The following LRRC7 variants were observed in gnomAD, a reference collection of about 807,000 sequenced individuals.
The protein encoded by LRRC7 is leucine rich repeat containing 7, also known as leucine-rich repeat-containing protein 7.
LRRC7 carries 23 observed loss-of-function variants against 175.7 expected under a neutral mutation model. The observed-to-expected ratio is 0.13, with a 90% CI of 0.09 to 0.19. The LOEUF (loss-of-function observed/expected upper bound fraction) is 0.19, where lower values mean the gene tolerates loss of function less well. LRRC7 is among the 10% of genes least tolerant of loss of function. The pLI, the probability that LRRC7 is intolerant of heterozygous loss-of-function variation, is 1.00. For synonymous variants in LRRC7, 685 were observed against 680.9 expected, an observed-to-expected ratio of 1.01 and a Z score of -0.09; for missense variants, 1,354 against 1,904.7, an observed-to-expected ratio of 0.71 and a Z score of 5.38.
chr1:69,763,705 G>A (rs1196274441), intron 3 of LRRC7, among the ~76,000 whole-genome samples: 2 of 151,964 alleles, frequency 1.3e-5, no homozygotes, highest in Non-Finnish European at 2.9e-5. Flanking sequence ...CAAAAACTAT[G>A]TATAAAGTTT....
chr1:69,753,571 AG>A (rs760082417), intron 2 of LRRC7, among the ~76,000 whole-genome samples: 1 of 152,126 alleles, frequency 6.6e-6, no homozygotes, highest in East Asian at 1.9e-4. Flanking sequence ...CTCATGAAAA[AG>A]CACGGTGACA....
At chr1:70,028,489 A>G (rs1658363823) in intron 18 of LRRC7, 118 bp downstream of exon 18, 1 of 875,210 alleles carries the variant, frequency 1.1e-6, no homozygotes, top group Non-Finnish European at 1.7e-6. Context: ...AATATAAATG[A>G]TCTCTCTACT....
intron 2 of LRRC7, among the ~76,000 whole-genome samples, chr1:69,750,778 C>T (rs1223042426): frequency 6.6e-6 from 1 of 152,120 alleles, no homozygotes; most frequent in Non-Finnish European, 1.5e-5. Flanking sequence ...AAACTGGTTT[C>T]CTTTAGCCCT....
At chr1:69,630,350 T>C (rs1652291188) in intron 1 of LRRC7, among the ~76,000 whole-genome samples, 1 of 152,204 alleles carries the variant, frequency 6.6e-6, no homozygotes, top group African/African-American at 2.4e-5. Flanking sequence ...CACATATTTC[T>C]ATATGGTAGA....
chr1:69,641,123 T>C (rs1654134138), intron 1 of LRRC7, among the ~76,000 whole-genome samples: 1 of 151,692 alleles, frequency 6.6e-6, no homozygotes, highest in Non-Finnish European at 1.5e-5. Flanking sequence ...TAACAAGTTA[T>C]AGTAATATTT....
intron 7 of LRRC7, among the ~76,000 whole-genome samples, chr1:69,902,284 T>C (rs1313635362): frequency 2.0e-5 from 3 of 152,180 alleles, no homozygotes; most frequent in Non-Finnish European, 1.5e-5. Context: ...AAAGCTTTAA[T>C]TGGGACCAGG....
chr1:69,807,013 G>T (rs1677196345), intron 4 of LRRC7, among the ~76,000 whole-genome samples: 1 of 152,062 alleles, frequency 6.6e-6, no homozygotes, highest in Admixed American at 6.6e-5. Flanking sequence ...AGGATAGTTA[G>T]CTCTTCTTGT....
chr1:69,584,207 A>C lies in LRRC7; in HGVS notation c.2+15566A>C, dbSNP rs1646314154. On this transcript the variant is annotated intron_variant, in intron 1 of 26. Transcript: ENST00000651989. The stretch of plus-strand genomic sequence containing the variant: ...GGAGGCAAAGGTGGAAAGAATTATT[A>C]TTTCCTTAAAATTTATTTCTCTGTT... 2.0e-5 allele frequency among the ~76,000 whole-genome samples: 3 copies of C among 152,170 alleles called. No homozygotes were observed. In the South Asian group the frequency reaches 6.2e-4, roughly 32 times the overall value.
intron 8 of LRRC7, among the ~76,000 whole-genome samples, chr1:69,980,053 C>A (rs574111637): frequency 6.6e-6 from 1 of 152,154 alleles, no homozygotes; most frequent in South Asian, 2.1e-4. Flanking sequence ...AAAGTTTATA[C>A]TCTAGTGACA....
At chr1:69,711,861 G>A (rs1664786801) in intron 2 of LRRC7, among the ~76,000 whole-genome samples, 1 of 152,166 alleles carries the variant, frequency 6.6e-6, no homozygotes, top group Admixed American at 6.5e-5. Flanking sequence ...CATGTCGGAG[G>A]CAGGTCAAAC....
chr1:70,054,861 T>G (rs56410601), intron 23 of LRRC7, among the ~76,000 whole-genome samples: 19,388 of 151,310 alleles, frequency 0.13, 1,707 homozygotes, highest in African/African-American at 0.24. Flanking sequence ...AAGTGCTGGG[T>G]TTACAGGCAT....
intron 2 of LRRC7, among the ~76,000 whole-genome samples, chr1:69,759,608 A>G (rs1262400964): frequency 1.3e-5 from 2 of 151,970 alleles, no homozygotes; most frequent in African/African-American, 4.8e-5. Context: ...CGGAATAAAA[A>G]CTCCATGAAA....
chr1:69,887,651 T>C (rs1645683102), intron 7 of LRRC7, among the ~76,000 whole-genome samples: 1 of 152,176 alleles, frequency 6.6e-6, no homozygotes, highest in African/African-American at 2.4e-5. Flanking sequence ...CTTTGTTCCG[T>C]TGCTGGTGAG....
At chr1:69,747,101 C>G (rs965815720) in intron 2 of LRRC7, among the ~76,000 whole-genome samples, 1 of 152,104 alleles carries the variant, frequency 6.6e-6, no homozygotes, top group Non-Finnish European at 1.5e-5. Context: ...AGTATGACTT[C>G]ATCTTAACCA....
At chr1:69,745,965 T>C (rs1027328860) in intron 2 of LRRC7, among the ~76,000 whole-genome samples, 2 of 151,978 alleles carry the variant, frequency 1.3e-5, no homozygotes, top group Non-Finnish European at 2.9e-5. Flanking sequence ...GAATTATGTG[T>C]CCAAAATATC....
intron 7 of LRRC7, chr1:69,874,969 A>G (rs1685915300): frequency 6.6e-6 from 1 of 152,058 alleles, no homozygotes; most frequent in East Asian, 1.9e-4. Flanking sequence ...TAAAAGGTAT[A>G]TTGCTATTCT....
chr1:69,753,296 A>ATGTG (rs35799015), intron 2 of LRRC7, among the ~76,000 whole-genome samples: 8,254 of 146,130 alleles, frequency 0.056, 552 homozygotes, highest in African/African-American at 0.17. Context: ...GTGTGTGTGT[A>ATGTG]TGTGTGTGTG....
intron 7 of LRRC7, among the ~76,000 whole-genome samples, chr1:69,850,414 G>A (rs1182701028): frequency 6.6e-6 from 1 of 151,974 alleles, no homozygotes; most frequent in Non-Finnish European, 1.5e-5. Flanking sequence ...TGGAGACTTC[G>A]AGCAAAGGAA....
In LRRC7 at chr1:70,072,063, A is replaced by G. The variant is rs115100059; in HGVS notation, c.4231-4014A>G. 2.3e-3 allele frequency among the ~76,000 whole-genome samples: 355 copies of G among 152,286 alleles called. 2 individuals are homozygous for G. Among genetic ancestry groups the G allele is most frequent in the African/African-American group, 8.3e-3 (346 of 41,558 alleles). On this transcript the variant is annotated intron_variant, in intron 23 of 26. Transcript: ENST00000651989. The stretch of plus-strand genomic sequence containing the variant: ...AAATATTTTCTTGAGTCTTATAGAT[A>G]TTAGAGTTTTCCCTGTAAACTTTGA...
Sources: gnomAD v4.1 joint callset for allele counts (sites outside exome capture counted in the v4.1 genomes callset) on GRCh38, gnomAD v4.1.1 for gene constraint, MANE v1.5 for transcripts, NCBI Gene and HGNC (gene_info 2026-07-23, HGNC 2026-07-21) for gene names.